SMARCA2: variants seen among roughly 807,000 people sequenced by gnomAD.
SMARCA2 encodes SWI/SNF related BAF chromatin remodeling complex subunit ATPase 2, also known as SWI/SNF-related matrix-associated actin-dependent regulator of chromatin subfamily A member 2.
A neutral mutation model predicts 199.8 loss-of-function variants in SMARCA2; 61 were observed. The observed-to-expected ratio is 0.31, with a 90% CI of 0.25 to 0.38. The LOEUF (loss-of-function observed/expected upper bound fraction) is 0.38, where lower values mean the gene tolerates loss of function less well. Among genes scored for constraint, SMARCA2 ranks in the 10% least tolerant of loss-of-function variants. SMARCA2 has a pLI of 1.00. For synonymous variants in SMARCA2, 935 were observed against 732.0 expected (o/e 1.28, Z -4.48); for missense variants, 1,344 against 2,012.2 (o/e 0.67, Z 6.35).
intron 27 of SMARCA2, among the ~76,000 whole-genome samples, chr9:2,146,643 C>T (rs1472501642): frequency 6.6e-6 from 1 of 152,230 alleles, no homozygotes; most frequent in East Asian, 1.9e-4. Context: ...AGAATGGCTA[C>T]TCCATAGGCA....
rs750006697 is a variant in SMARCA2, at chr9:2,161,910, G to A, written c.4199+7G>A. 6.2e-7 allele frequency: 1 copy of A among 1,609,216 alleles called. No individual in the cohort carries two copies. Among genetic ancestry groups the A allele is most frequent in the Non-Finnish European group, 8.5e-7 (1 of 1,176,068 alleles). On this transcript the variant is annotated splice_region_variant and intron_variant, in intron 28 of 33. Coordinates refer to ENST00000349721, the MANE Select transcript of SMARCA2 (RefSeq NM_003070.5). This position sits in a 1 kb window ranked among gnomAD's most constrained non-coding sequence, Gnocchi z 4.7. ...TGATAAACTACAAAGATAGGTGAGT[G>A]TTTGGTTCCTTCACCTTGATCATCT...
At chr9:2,030,852 AG>A (rs1166686974) in intron 2 of SMARCA2, among the ~76,000 whole-genome samples, 2 of 152,200 alleles carry the variant, frequency 1.3e-5, no homozygotes, top group Non-Finnish European at 2.9e-5. Flanking sequence ...GGTCAGTTTT[AG>A]GGTAGGGCAT....
intron 29 of SMARCA2, among the ~76,000 whole-genome samples, chr9:2,177,478 C>G (rs1427530083): frequency 6.6e-6 from 1 of 151,984 alleles, no homozygotes; most frequent in African/African-American, 2.4e-5. Flanking sequence ...CATAAAAGAC[C>G]CTCACTAATT....
intron 31 of SMARCA2, among the ~76,000 whole-genome samples, chr9:2,185,197 C>T (rs994307799): frequency 6.6e-6 from 1 of 152,184 alleles, no homozygotes; most frequent in Non-Finnish European, 1.5e-5. Context: ...CTTCCCCCAG[C>T]CCCTGGCACC....
At chr9:2,114,164 G>A (rs1298929615) in intron 24 of SMARCA2, among the ~76,000 whole-genome samples, 1 of 152,116 alleles carries the variant, frequency 6.6e-6, no homozygotes, top group Non-Finnish European at 1.5e-5. Flanking sequence ...AGCTTAAAAA[G>A]GAACTTTAGG....
intron 3 of SMARCA2, among the ~76,000 whole-genome samples, chr9:2,037,013 A>C (rs1278839924): frequency 2.0e-5 from 3 of 152,202 alleles, no homozygotes; most frequent in Non-Finnish European, 4.4e-5. Context: ...ATCAGGAAAC[A>C]TATGACTAAT....
rs1368046914 is a variant in SMARCA2 at position 2,119,228 on chromosome 9, T to C, written c.3685-230T>C. On this transcript the variant is annotated intron_variant, in intron 25 of 33. Coordinates refer to ENST00000349721, the MANE Select transcript of SMARCA2 (RefSeq NM_003070.5). The surrounding 1 kb of genome is among the most constrained non-coding windows in gnomAD (Gnocchi z 4.6). Reference sequence around the variant, plus strand: ...AATCAAGATACACATCCAGGAGAACTCATATTTCTTATAGTGGACCACAGT... The same window carrying C: ...AATCAAGATACACATCCAGGAGAACCCATATTTCTTATAGTGGACCACAGT... 6.6e-6 allele frequency among the ~76,000 whole-genome samples: 1 copy of C among 152,192 alleles called. No homozygotes were observed. Among genetic ancestry groups the C allele is most frequent in the East Asian group, 1.9e-4 (1 of 5,194 alleles).
rs991426077 is a variant in SMARCA2 at position 2,169,049 on chromosome 9, C to T, written c.4200-1370C>T. On this transcript the variant is annotated intron_variant, in intron 28 of 33. Transcript: ENST00000349721. This position sits in a 1 kb window ranked among gnomAD's most constrained non-coding sequence, Gnocchi z 6.5. ...TCTGTGTCTCCTTGGTCAGCACCAT[C>T]ATTAGCCCAAGGTCCTAAAAGTGAA... is the stretch of plus-strand genomic sequence containing the variant. Among the ~76,000 whole-genome samples, 1 of 152,230 alleles carries T rather than the reference C, an allele frequency of 6.6e-6. No individual in the cohort carries two copies. Among genetic ancestry groups the T allele is most frequent in the Non-Finnish European group, 1.5e-5 (1 of 68,044 alleles).
chr9:2,063,783 T>G (rs547483603), intron 9 of SMARCA2, among the ~76,000 whole-genome samples: 21 of 152,246 alleles, frequency 1.4e-4, no homozygotes, highest in African/African-American at 5.1e-4. Context: ...GCCTCTGTCT[T>G]TCTTTGGGAG....
Position 2,086,694 on chromosome 9 carries a change from C to A in SMARCA2, c.2527-135C>A. ...AGGCATGAGACATTGTTGAGATTCC[C>A]TTGTCTCAAAGGTAATCACAGCATA... is the stretch of plus-strand genomic sequence containing the variant. On this transcript the variant is annotated intron_variant, in intron 17 of 33. Coordinates refer to ENST00000349721, the MANE Select transcript of SMARCA2 (RefSeq NM_003070.5). The surrounding 1 kb of genome is among the most constrained non-coding windows in gnomAD (Gnocchi z 4.3). The A allele has an allele frequency of 1.1e-6, 1 of 891,504 alleles. No homozygotes were observed. Among genetic ancestry groups the A allele is most frequent in the Non-Finnish European group, 1.7e-6 (1 of 572,420 alleles). 55.2% of individuals were successfully genotyped at this position (891,504 alleles called of 1,614,324 possible).
At chr9:2,043,854 A>G (rs902553714) in intron 4 of SMARCA2, 1 of 152,112 alleles carries the variant, frequency 6.6e-6, no homozygotes, top group Non-Finnish European at 1.5e-5. Flanking sequence ...CAGAGTTTCT[A>G]CTTTGTTTCT....
intron 28 of SMARCA2, among the ~76,000 whole-genome samples, chr9:2,163,429 C>T (rs62535616): frequency 6.6e-6 from 1 of 152,152 alleles, no homozygotes; most frequent in Non-Finnish European, 1.5e-5. Flanking sequence ...CATGCTTTGT[C>T]CAGAGTGAAC....
chr9:2,097,896 T>C (rs369333772), intron 21 of SMARCA2, among the ~76,000 whole-genome samples: 3 of 152,272 alleles, frequency 2.0e-5, no homozygotes, highest in Non-Finnish European at 4.4e-5. Flanking sequence ...AGATTTTCTT[T>C]AAATATTTTC....
intron 8 of SMARCA2, among the ~76,000 whole-genome samples, 190 bp downstream of exon 8, chr9:2,058,654 C>G (rs1194249670): frequency 6.6e-6 from 1 of 152,092 alleles, no homozygotes; most frequent in Non-Finnish European, 1.5e-5. Flanking sequence ...TGCCAAAAAT[C>G]TAGGGGGATG....
Position 2,039,752 on chromosome 9 carries a change from C to G in SMARCA2, c.642C>G (p.Gly214=), listed in dbSNP as rs1208755415. 1.9e-6 allele frequency: 3 copies of G among 1,613,302 alleles called. No individual in the cohort carries two copies. Among genetic ancestry groups the G allele is most frequent in the African/African-American group, 2.7e-5 (2 of 74,730 alleles). Residue 214 remains glycine (G), a synonymous_variant, in exon 4 of 34, where the codon GGC becomes GGG. Coordinates refer to ENST00000349721, the MANE Select transcript of SMARCA2 (RefSeq NM_003070.5). The surrounding 1 kb of genome is among the most constrained non-coding windows in gnomAD (Gnocchi z 4.8). The stretch of plus-strand genomic sequence containing the variant: ...TCCAGGGGAAAAGGACGTTGCCTGG[C>G]TTGCAGCAACAACAGCAGCAGCAAC... The part of the protein sequence containing the change: ...LAVQGKRTLP[G]LQQQQQQQQQ...
intron 26 of SMARCA2, among the ~76,000 whole-genome samples, chr9:2,122,000 T>C (rs1823481706): frequency 6.6e-6 from 1 of 152,234 alleles, no homozygotes; most frequent in African/African-American, 2.4e-5. Context: ...AGTTTGACTT[T>C]TGCCATAATG....
At chr9:2,159,882 T>C (rs1172440294) in intron 27 of SMARCA2, 1 of 1,612,118 alleles carries the variant, frequency 6.2e-7, no homozygotes, top group Non-Finnish European at 8.5e-7. Flanking sequence ...CTGTGATTTC[T>C]GATAGCCGGC....
chr9:2,080,123 G>A (rs1821502788), intron 14 of SMARCA2: 1 of 152,188 alleles, frequency 6.6e-6, no homozygotes, highest in Admixed American at 6.5e-5. Flanking sequence ...AGTTCAAGTT[G>A]TGGCTCAAAG....
At chr9:2,047,514 T>A in intron 5 of SMARCA2, 30 bp downstream of exon 5, 1 of 1,358,782 alleles carries the variant, frequency 7.4e-7, no homozygotes, top group Non-Finnish European at 9.6e-7. Context: ...AGGGGCCCCC[T>A]GCGGTGTGCT....
Sources: gnomAD v4.1 joint callset for allele counts (sites outside exome capture counted in the v4.1 genomes callset) on GRCh38, gnomAD v4.1.1 for gene constraint, Gnocchi (gnomAD v3.1) non-coding constraint, MANE v1.5 for transcripts, NCBI Gene and HGNC (gene_info 2026-07-23, HGNC 2026-07-21) for gene names.